The following MYO1E variants were observed in gnomAD, a reference collection of about 807,000 sequenced individuals.
The protein encoded by MYO1E is myosin IE.
MYO1E carries 68 observed loss-of-function variants against 151.1 expected under a neutral mutation model. The observed-to-expected ratio is 0.45, with a 90% CI of 0.37 to 0.55. The LOEUF (loss-of-function observed/expected upper bound fraction) is 0.55, where lower values mean the gene tolerates loss of function less well. Ranked by LOEUF, MYO1E falls within the 20% of genes least tolerant of loss-of-function variation. The pLI, the probability that MYO1E is intolerant of heterozygous loss-of-function variation, is 0.00. For missense variants in MYO1E, 1,363 were observed against 1,389.3 expected (o/e 0.98, Z 0.30); for synonymous variants, 601 against 501.7 (o/e 1.20, Z -2.64).
intron 21 of MYO1E, 81 bp from the exon 22 acceptor site, chr15:59,172,123 G>C: frequency 6.6e-7 from 1 of 1,510,912 alleles, no homozygotes; most frequent in Non-Finnish European, 9.0e-7. Flanking sequence ...TTCGGAGGCC[G>C]AGGCGGGTGA....
chr15:59,339,268 G>A (rs1231368133), intron 1 of MYO1E, among the ~76,000 whole-genome samples: 1 of 152,208 alleles, frequency 6.6e-6, no homozygotes, highest in African/African-American at 2.4e-5. Context: ...AATGGATGGT[G>A]TGGAATGATA....
intron 4 of MYO1E, 121 bp from the exon 5 acceptor site, chr15:59,236,793 G>C: frequency 1.0e-6 from 1 of 970,366 alleles, no homozygotes; most frequent in Non-Finnish European, 1.6e-6. Flanking sequence ...AGGCAGAAAA[G>C]AATTTTTTTT....
At chr15:59,210,983 C>G (rs1474744551) in intron 12 of MYO1E, among the ~76,000 whole-genome samples, 1 of 152,030 alleles carries the variant, frequency 6.6e-6, no homozygotes, top group Non-Finnish European at 1.5e-5. Context: ...GGGCGGATCA[C>G]AAGGTCAGGA....
At chr15:59,335,151 C>A (rs2080720777) in intron 1 of MYO1E, among the ~76,000 whole-genome samples, 2 of 152,172 alleles carry the variant, frequency 1.3e-5, no homozygotes, top group South Asian at 4.1e-4. Context: ...TCAGAATAAT[C>A]TTTATTCATT....
At chr15:59,158,682 C>A (rs1346645536) in intron 24 of MYO1E, among the ~76,000 whole-genome samples, 2 of 152,174 alleles carry the variant, frequency 1.3e-5, no homozygotes, top group African/African-American at 2.4e-5. Flanking sequence ...TTAAAAGAGA[C>A]AGATGGAACA....
At chr15:59,141,488 G>T (rs1242128024) in intron 26 of MYO1E, among the ~76,000 whole-genome samples, 1 of 152,156 alleles carries the variant, frequency 6.6e-6, no homozygotes, top group Non-Finnish European at 1.5e-5. Flanking sequence ...ATAATGACAA[G>T]AAAAAGGCTT....
chr15:59,257,188 T>G (rs1265970148), intron 3 of MYO1E, among the ~76,000 whole-genome samples: 2 of 152,186 alleles, frequency 1.3e-5, no homozygotes, highest in African/African-American at 4.8e-5. Context: ...AGAGAAATAC[T>G]TTGTTGAGTA....
At chr15:59,222,988 G>C (rs945439877) in intron 9 of MYO1E, 71 bp downstream of exon 9, 418 of 1,595,690 alleles carry the variant, frequency 2.6e-4, no homozygotes, top group Non-Finnish European at 3.3e-4. Context: ...CTAAGCAAAG[G>C]AAAGTGCTAG....
At chr15:59,218,247 T>C in intron 9 of MYO1E, 160 bp from the exon 10 acceptor site, 1 of 795,362 alleles carries the variant, frequency 1.3e-6, no homozygotes, top group Non-Finnish European at 2.1e-6. Context: ...AGGCTGCTTA[T>C]CAGTAATCCC....
Position 59,256,392 on chromosome 15 carries a change from AAAT to A in MYO1E, c.238-17_238-15del, listed in dbSNP as rs766333827. 2.8e-6 allele frequency: 4 copies of A among 1,427,892 alleles called. No individual in the cohort carries two copies. Among genetic ancestry groups the A allele is most frequent in the African/African-American group, 2.8e-5 (2 of 71,164 alleles). 88.5% of individuals were successfully genotyped at this position (1,427,892 alleles called of 1,614,324 possible). On this transcript the variant is annotated splice_polypyrimidine_tract_variant and intron_variant, in intron 3 of 27. Transcript: ENST00000288235. ...TTCATACTGTGCCTAGAAAAGCAAA[AAAT>A]AATAATACATAAATAATAATAAAAA...
intron 24 of MYO1E, among the ~76,000 whole-genome samples, chr15:59,160,336 C>CGTGTGT (rs55633634): frequency 0.036 from 4,368 of 120,080 alleles, 115 homozygotes; most frequent in Admixed American, 0.044. Flanking sequence ...TGAGGTAGTG[C>CGTGTGT]GTGTGTGTGT....
At chr15:59,325,699 AC>A (rs1203868206) in intron 1 of MYO1E, among the ~76,000 whole-genome samples, 1 of 152,198 alleles carries the variant, frequency 6.6e-6, no homozygotes, top group Non-Finnish European at 1.5e-5. Flanking sequence ...TTAAGATTAA[AC>A]CATTAATTCC....
chr15:59,332,874 T>A (rs938282082), intron 1 of MYO1E, among the ~76,000 whole-genome samples: 2 of 152,148 alleles, frequency 1.3e-5, no homozygotes, highest in Non-Finnish European at 2.9e-5. Flanking sequence ...TGGGATTCTA[T>A]TGGATGCAGC....
At chr15:59,291,826 A>G (rs1350520611) in intron 1 of MYO1E, among the ~76,000 whole-genome samples, 1 of 151,918 alleles carries the variant, frequency 6.6e-6, no homozygotes, top group Admixed American at 6.6e-5. Context: ...AAAGAAGGGA[A>G]GGAAATAAAA....
intron 1 of MYO1E, chr15:59,348,979 G>A (rs2080809302): frequency 6.6e-6 from 1 of 152,112 alleles, no homozygotes; most frequent in Non-Finnish European, 1.5e-5. Flanking sequence ...TCTAACACAA[G>A]GCAGAACATG....
chr15:59,168,998 A>T (rs761030261), intron 22 of MYO1E, among the ~76,000 whole-genome samples: 14 of 152,328 alleles, frequency 9.2e-5, no homozygotes, highest in Non-Finnish European at 1.6e-4. Context: ...ACCACAAAAC[A>T]TTATCATACC....
At chr15:59,343,510 T>C (rs1417169140) in intron 1 of MYO1E, among the ~76,000 whole-genome samples, 1 of 152,198 alleles carries the variant, frequency 6.6e-6, no homozygotes, top group African/African-American at 2.4e-5. Flanking sequence ...TAAATCTGCT[T>C]GGTGTTCTAT....
At chr15:59,254,984 C>CA (rs747719811) in intron 4 of MYO1E, among the ~76,000 whole-genome samples, 1 of 152,144 alleles carries the variant, frequency 6.6e-6, no homozygotes, top group Non-Finnish European at 1.5e-5. Flanking sequence ...TACCACCACA[C>CA]CTGGCTAATT....
At chr15:59,270,542 T>TAAAAAAAA (rs777284445) in intron 2 of MYO1E, among the ~76,000 whole-genome samples, 1 of 104,862 alleles carries the variant, frequency 9.5e-6, no homozygotes, top group Non-Finnish European at 2.0e-5. Context: ...GACCCTGTCT[T>TAAAAAAAA]AAAAAAAAAA....
Sources: gnomAD v4.1 joint callset for allele counts (sites outside exome capture counted in the v4.1 genomes callset) on GRCh38, gnomAD v4.1.1 for gene constraint, MANE v1.5 for transcripts, NCBI Gene and HGNC (gene_info 2026-07-23, HGNC 2026-07-21) for gene names.